The following RMST variants were observed in gnomAD, a reference collection of about 807,000 sequenced individuals.
The protein encoded by RMST is rhabdomyosarcoma 2 associated transcript, also known as long intergenic non-protein coding RNA 54.
chr12:97,490,190 T>C (rs538801817), intron 5 of RMST, among the ~76,000 whole-genome samples: 6 of 152,190 alleles, frequency 3.9e-5, no homozygotes, highest in Admixed American at 3.3e-4. Flanking sequence ...GTTTACAGAG[T>C]AAAGCTCTAG....
chr12:97,559,767 A>C (rs186415540), intron 11 of RMST, among the ~76,000 whole-genome samples: 1 of 152,292 alleles, frequency 6.6e-6, no homozygotes, highest in African/African-American at 2.4e-5. Context: ...TGCTTCTAGA[A>C]GTGTGGGGAT....
chr12:97,491,056 T>G (rs1379747304), intron 5 of RMST, among the ~76,000 whole-genome samples: 1 of 152,230 alleles, frequency 6.6e-6, no homozygotes, highest in Non-Finnish European at 1.5e-5. Flanking sequence ...GTGTATGTCA[T>G]AGATAACAGT....
chr12:97,465,188 T>G (rs1330019395), intron 4 of RMST: 2 of 152,180 alleles, frequency 1.3e-5, no homozygotes, highest in Non-Finnish European at 2.9e-5. Flanking sequence ...GTTTGTCTGA[T>G]GGTATTGGGA....
intron 10 of RMST, among the ~76,000 whole-genome samples, chr12:97,515,586 G>A (rs931910601): frequency 2.0e-5 from 3 of 151,992 alleles, no homozygotes; most frequent in Non-Finnish European, 4.4e-5. Context: ...CACAGTAGGA[G>A]CTCAATAATA....
chr12:97,487,080 A>C (rs911028403), intron 5 of RMST, among the ~76,000 whole-genome samples: 3 of 152,258 alleles, frequency 2.0e-5, no homozygotes, highest in African/African-American at 7.2e-5. Context: ...TGAAACAATC[A>C]AGGTTTCCTA....
chr12:97,499,661 T>TC (rs930227252), intron 10 of RMST, among the ~76,000 whole-genome samples: 1 of 149,168 alleles, frequency 6.7e-6, no homozygotes, highest in African/African-American at 2.5e-5. Flanking sequence ...TTCTTTCTTT[T>TC]TTTTTTTTTT....
chr12:97,515,773 A>T (rs1879862213), intron 10 of RMST, among the ~76,000 whole-genome samples: 1 of 152,144 alleles, frequency 6.6e-6, no homozygotes, highest in Admixed American at 6.5e-5. Context: ...GAATAAAAAA[A>T]TGAGCATTGA....
At chr12:97,505,405 G>A (rs567906865) in intron 10 of RMST, among the ~76,000 whole-genome samples, 10 of 152,288 alleles carry the variant, frequency 6.6e-5, no homozygotes, top group Admixed American at 5.9e-4. Flanking sequence ...TAGATCTCTT[G>A]CATGGTAGCA....
At chr12:97,524,100 A>AAAAAAAAAAAAAAAAAAAAAAC (rs1880845335) in intron 10 of RMST, among the ~76,000 whole-genome samples, 1 of 148,880 alleles carries the variant, frequency 6.7e-6, no homozygotes, top group Non-Finnish European at 1.5e-5. Context: ...AAAAAAAAAA[A>AAAAAAAAAAAAAAAAAAAAAAC]AAATCACATA....
At chr12:97,507,187 C>A (rs189015565) in intron 10 of RMST, among the ~76,000 whole-genome samples, 1 of 151,206 alleles carries the variant, frequency 6.6e-6, no homozygotes, top group East Asian at 1.9e-4. Context: ...TAGGGAATAG[C>A]TGACCAAGGT....
chr12:97,494,798 G>T (rs535267795), exon 9 of RMST: 10 of 152,166 alleles, frequency 6.6e-5, no homozygotes, highest in African/African-American at 2.2e-4. Flanking sequence ...TTCTATAAAA[G>T]ATATTGTCTA....
intron 11 of RMST, among the ~76,000 whole-genome samples, chr12:97,545,943 A>C (rs188465419): frequency 1.6e-3 from 244 of 152,256 alleles, no homozygotes; most frequent in Admixed American, 5.8e-3. Flanking sequence ...TGTAAACAAC[A>C]GTTCATCAAG....
chr12:97,493,013 T>C (rs1160636213), intron 6 of RMST: 1 of 152,238 alleles, frequency 6.6e-6, no homozygotes, highest in Non-Finnish European at 1.5e-5. Context: ...CAAATAGATG[T>C]TCACATCACC....
At chr12:97,505,413 GCA>G (rs1241702806) in intron 10 of RMST, among the ~76,000 whole-genome samples, 2 of 152,188 alleles carry the variant, frequency 1.3e-5, no homozygotes, top group African/African-American at 4.8e-5. Flanking sequence ...TTGCATGGTA[GCA>G]CACTAGCAGA....
chr12:97,557,947 G>A (rs574963755), intron 11 of RMST, among the ~76,000 whole-genome samples: 1 of 152,096 alleles, frequency 6.6e-6, no homozygotes, highest in African/African-American at 2.4e-5. Context: ...CTTATAGGGA[G>A]AAAAAGTGAA....
intron 9 of RMST, among the ~76,000 whole-genome samples, chr12:97,495,157 A>T (rs1159124519): frequency 7.7e-6 from 1 of 129,750 alleles, no homozygotes; most frequent in Non-Finnish European, 1.6e-5. Context: ...AATATAAATT[A>T]TGTACATCAT....
At chr12:97,466,664 A>C (rs1383052579) in intron 5 of RMST, among the ~76,000 whole-genome samples, 2 of 152,216 alleles carry the variant, frequency 1.3e-5, no homozygotes, top group African/African-American at 2.4e-5. Context: ...TTTAAGGTGT[A>C]ATAGAAATTG....
chr12:97,504,402 TCAAAAAAAAAAAAAAA>T (rs1878442402), intron 10 of RMST, among the ~76,000 whole-genome samples: 1 of 125,232 alleles, frequency 8.0e-6, no homozygotes, highest in Non-Finnish European at 1.6e-5. Context: ...AGACTTCATT[TCAAAAAAAAAAAAAAA>T]AAAAAAGAAT....
intron 10 of RMST, among the ~76,000 whole-genome samples, chr12:97,514,883 G>T (rs938428636): frequency 6.6e-6 from 1 of 152,086 alleles, no homozygotes; most frequent in African/African-American, 2.4e-5. Context: ...AAGTTCTGCT[G>T]CTACACAAAC....
Sources: gnomAD v4.1 joint callset for allele counts (sites outside exome capture counted in the v4.1 genomes callset) on GRCh38, gnomAD v4.1.1 for gene constraint, MANE v1.5 for transcripts, NCBI Gene and HGNC (gene_info 2026-07-23, HGNC 2026-07-21) for gene names.